TNFRSF10B: variants seen among roughly 807,000 people sequenced by gnomAD.
The protein encoded by TNFRSF10B is tumor necrosis factor receptor superfamily member 10B.
TNFRSF10B carries 35 observed loss-of-function variants against 41.4 expected under a neutral mutation model. That is an observed-to-expected ratio of 0.85 (90% confidence interval 0.65 to 1.12). The LOEUF (loss-of-function observed/expected upper bound fraction) is 1.12, where lower values mean the gene tolerates loss of function less well. Among genes scored for constraint, TNFRSF10B ranks in the 50% most tolerant of loss-of-function variants. TNFRSF10B has a pLI of 0.00. For missense variants in TNFRSF10B, 584 were observed against 552.7 expected, an observed-to-expected ratio of 1.06 and a Z score of -0.57; for synonymous variants, 230 against 215.5, an observed-to-expected ratio of 1.07 and a Z score of -0.59.
At chr8:23,039,832 C>T (rs890166760) in intron 2 of TNFRSF10B, among the ~76,000 whole-genome samples, 8 of 151,994 alleles carry the variant, frequency 5.3e-5, no homozygotes, top group Non-Finnish European at 1.0e-4. Context: ...GAAATTCTGC[C>T]GGTATTATAA....
chr8:23,048,450 A>G (rs1023173021), intron 1 of TNFRSF10B, among the ~76,000 whole-genome samples: 1 of 151,532 alleles, frequency 6.6e-6, no homozygotes, highest in Non-Finnish European at 1.5e-5. Flanking sequence ...AAAAAAAAAA[A>G]AAAAAACAAC....
chr8:23,058,291 G>C (rs993306479), intron 1 of TNFRSF10B, among the ~76,000 whole-genome samples: 1 of 152,068 alleles, frequency 6.6e-6, no homozygotes, highest in African/African-American at 2.4e-5. Context: ...GTTAAGTCTT[G>C]CTTTTTCATC....
At chr8:23,031,021 A>G in intron 2 of TNFRSF10B, 149 bp from the exon 3 acceptor site, 1 of 672,922 alleles carries the variant, frequency 1.5e-6, no homozygotes, top group Non-Finnish European at 2.7e-6. Context: ...TCAATTCTGC[A>G]TTTACACACC....
chr8:23,053,697 G>A (rs1026941832), intron 1 of TNFRSF10B, among the ~76,000 whole-genome samples: 6 of 152,046 alleles, frequency 3.9e-5, no homozygotes, highest in African/African-American at 1.4e-4. Flanking sequence ...CTTACTTTAT[G>A]GTCAAACATT....
At chr8:23,063,040 C>A (rs1812875827) in intron 1 of TNFRSF10B, among the ~76,000 whole-genome samples, 1 of 152,162 alleles carries the variant, frequency 6.6e-6, no homozygotes, top group East Asian at 1.9e-4. Flanking sequence ...TGATGATCTT[C>A]CTTCTTTCCT....
rs1811764373 is a variant in TNFRSF10B, at chr8:23,028,080, G to C, written c.748+251C>G. On this transcript the variant is annotated intron_variant, in intron 5 of 8. Coordinates refer to ENST00000276431, the MANE Select transcript of TNFRSF10B (RefSeq NM_003842.5). The stretch of plus-strand genomic sequence containing the variant: ...TGCCTGGCTGGGCCTGAAGATGGGA[G>C]GAACTGGCCCTGCCCTCCTGGACTT... 3 of 608,442 alleles carry C rather than the reference G, an allele frequency of 4.9e-6. No individual in the cohort carries two copies. The East Asian group carries it at 8.4e-5, about 17-fold the overall frequency. The allele number at this position is 608,442 out of a possible 1,614,324, so 37.7% of individuals were successfully genotyped here.
chr8:23,059,286 G>A (rs1812756025), intron 1 of TNFRSF10B, among the ~76,000 whole-genome samples: 2 of 152,126 alleles, frequency 1.3e-5, no homozygotes, highest in South Asian at 4.1e-4. Flanking sequence ...GAATAATACT[G>A]CTATAAACGT....
Position 23,021,455 on chromosome 8 carries a change from A to G in TNFRSF10B, c.*1216T>C, listed in dbSNP as rs779200113. 1.5e-5 allele frequency: 7 copies of G among 454,030 alleles called. No individual in the cohort carries two copies. Among genetic ancestry groups the G allele is most frequent in the South Asian group, 1.1e-4 (7 of 64,480 alleles). 28.1% of individuals were successfully genotyped at this position (454,030 alleles called of 1,614,324 possible). On this transcript the variant is annotated 3_prime_UTR_variant, in exon 9 of 9. Transcript: ENST00000276431. ...AAGCACCATCTACTCTTCCCCCTTGATGCCATGGCAGACGTGGGAGACAGA... is the reference window on the plus strand; with the variant it reads ...AAGCACCATCTACTCTTCCCCCTTGGTGCCATGGCAGACGTGGGAGACAGA...
chr8:23,035,802 G>T (rs1346458419), intron 2 of TNFRSF10B, among the ~76,000 whole-genome samples: 1 of 152,104 alleles, frequency 6.6e-6, no homozygotes, highest in African/African-American at 2.4e-5. Flanking sequence ...TTTTGATTTT[G>T]GTGGCAACAT....
At chr8:23,029,569 G>A (rs1441040985) in intron 4 of TNFRSF10B, 41 bp downstream of exon 4, 2 of 1,565,566 alleles carry the variant, frequency 1.3e-6, no homozygotes, top group African/African-American at 1.3e-5. Context: ...GGTCTTTTGG[G>A]GTTCCATGGA....
At chr8:23,041,404 C>T (rs370109567) in intron 2 of TNFRSF10B, among the ~76,000 whole-genome samples, 10 of 151,898 alleles carry the variant, frequency 6.6e-5, no homozygotes, top group East Asian at 3.9e-4. Context: ...CAGTGGCTCA[C>T]GCCTGTAATC....
At chr8:23,042,787 T>C (rs1403291500) in intron 2 of TNFRSF10B, 2 of 202,004 alleles carry the variant, frequency 9.9e-6, no homozygotes, top group Non-Finnish European at 2.0e-5. Flanking sequence ...CCCCTGGCAA[T>C]TGTTCCAGTG....
At chr8:23,027,011 C>G (rs1811722611) in intron 7 of TNFRSF10B, 122 bp downstream of exon 7, 2 of 1,482,922 alleles carry the variant, frequency 1.3e-6, no homozygotes, top group African/African-American at 2.8e-5. Flanking sequence ...CTGCAGTCCC[C>G]TGGCTCCTTC....
At chr8:23,047,810 A>G (rs1812407873) in intron 1 of TNFRSF10B, among the ~76,000 whole-genome samples, 1 of 152,206 alleles carries the variant, frequency 6.6e-6, no homozygotes, top group African/African-American at 2.4e-5. Context: ...TCCTCAAAAA[A>G]CTAAAAATAG....
At position 23,028,332 on chromosome 8, in the gene TNFRSF10B, T is replaced by A; in HGVS notation, c.747A>T (p.Ser249=). Reference sequence around the variant, plus strand: ...CCCCCGCCCTCAGCCAGCACCTACCTGAGCAGATGCCTTTCAGGTAAGGAA... The same window carrying A: ...CCCCCGCCCTCAGCCAGCACCTACCAGAGCAGATGCCTTTCAGGTAAGGAA... The part of the protein sequence containing the change: ...KVLPYLKGIC[S]GGGGDPERVD... Residue 249 remains serine (S), a splice_region_variant and synonymous_variant, in exon 5 of 9, where the codon TCA becomes TCT. Transcript: ENST00000276431. 6.2e-7 allele frequency: 1 copy of A among 1,614,008 alleles called. No individual in the cohort carries two copies. Among genetic ancestry groups the A allele is most frequent in the Non-Finnish European group, 8.5e-7 (1 of 1,179,970 alleles).
At chr8:23,040,068 G>A (rs904173431) in intron 2 of TNFRSF10B, among the ~76,000 whole-genome samples, 19 of 151,562 alleles carry the variant, frequency 1.3e-4, no homozygotes, top group Non-Finnish European at 2.7e-4. Flanking sequence ...GCTACTCCCT[G>A]TACTCAGGAG....
intron 7 of TNFRSF10B, among the ~76,000 whole-genome samples, chr8:23,025,706 A>G (rs1460705900): frequency 6.6e-6 from 1 of 152,242 alleles, no homozygotes; most frequent in East Asian, 1.9e-4. Context: ...AGGCTGGGAA[A>G]GAGTAAAGAA....
chr8:23,027,646 AC>A, intron 6 of TNFRSF10B, 75 bp downstream of exon 6: 1 of 1,602,930 alleles, frequency 6.2e-7, no homozygotes, highest in Non-Finnish European at 8.5e-7. Flanking sequence ...ATGGGGACCC[AC>A]CCACCCAGGT....
At chr8:23,065,286 G>C (rs960628741) in intron 1 of TNFRSF10B, among the ~76,000 whole-genome samples, 7 of 152,184 alleles carry the variant, frequency 4.6e-5, no homozygotes, top group African/African-American at 1.7e-4. Flanking sequence ...CACTGCGTAA[G>C]GACAGCCTCC....
Sources: gnomAD v4.1 joint callset for allele counts (sites outside exome capture counted in the v4.1 genomes callset) on GRCh38, gnomAD v4.1.1 for gene constraint, MANE v1.5 for transcripts, NCBI Gene and HGNC (gene_info 2026-07-23, HGNC 2026-07-21) for gene names.